The following CRACDL variants were observed in gnomAD, a reference collection of about 807,000 sequenced individuals.
The protein encoded by CRACDL is CRACD like.
Under a neutral mutation model 70.6 loss-of-function variants are expected in CRACDL, and 26 were observed. The observed-to-expected ratio is 0.37, with a 90% CI of 0.27 to 0.51. CRACDL has a LOEUF of 0.51. Among genes scored for constraint, CRACDL ranks in the 20% least tolerant of loss-of-function variants. CRACDL has a pLI of 0.94. For synonymous variants in CRACDL, 618 were observed against 615.2 expected, an observed-to-expected ratio of 1.00 and a Z score of -0.07; for missense variants, 1,283 against 1,376.9, an observed-to-expected ratio of 0.93 and a Z score of 1.08.
intron 1 of CRACDL, among the ~76,000 whole-genome samples, chr2:98,875,091 T>G (rs185258947): frequency 6.6e-6 from 1 of 152,158 alleles, no homozygotes; most frequent in Non-Finnish European, 1.5e-5. Flanking sequence ...TCAAACCACA[T>G]TCGCAGGAAT....
At chr2:98,865,798 C>CTTTTT (rs1157009185) in intron 1 of CRACDL, among the ~76,000 whole-genome samples, 2 of 134,440 alleles carry the variant, frequency 1.5e-5, no homozygotes, top group Non-Finnish European at 1.6e-5. Context: ...GGACTTTCTG[C>CTTTTT]TTTTTTTTTT....
At chr2:98,802,377 C>G (rs1704116990) in intron 7 of CRACDL, among the ~76,000 whole-genome samples, 1 of 152,244 alleles carries the variant, frequency 6.6e-6, no homozygotes, top group Non-Finnish European at 1.5e-5. Flanking sequence ...CCGTTTTCAT[C>G]TGCATTCCCA....
intron 1 of CRACDL, among the ~76,000 whole-genome samples, chr2:98,909,912 G>C (rs1327164971): frequency 6.6e-6 from 1 of 152,162 alleles, no homozygotes; most frequent in Non-Finnish European, 1.5e-5. Flanking sequence ...GCGGGGCTTG[G>C]GCCGCTTTCA....
At chr2:98,870,041 C>G (rs1386814697) in intron 1 of CRACDL, among the ~76,000 whole-genome samples, 1 of 152,156 alleles carries the variant, frequency 6.6e-6, no homozygotes, top group East Asian at 1.9e-4. Context: ...AGCCACTTGC[C>G]CTGGTGGCTC....
chr2:98,822,430 C>A lies in CRACDL; in HGVS notation c.1843G>T (p.Asp615Tyr). Reference sequence around the variant, plus strand: ...TGGGGCTCGGGGAGACCCTGGAGGTCGTCAAGAGCCGCCTCGCTCCTCCAG... The same window carrying A: ...TGGGGCTCGGGGAGACCCTGGAGGTAGTCAAGAGCCGCCTCGCTCCTCCAG... Reference protein sequence around the residue: ...PVWRSEAALDDLQGLPEPQHA... With the variant: ...PVWRSEAALDYLQGLPEPQHA... Residue 615 changes from aspartate (D) to tyrosine (Y), a missense_variant, in exon 7 of 10, where the codon GAC (aspartate) becomes TAC (tyrosine). Transcript: ENST00000397899. The surrounding 1 kb of genome is among the most constrained non-coding windows in gnomAD (Gnocchi z 4.9). 6.7e-7 allele frequency: 1 copy of A among 1,483,398 alleles called. No homozygotes were observed. The highest frequency in any genetic ancestry group is 8.9e-7 in the Non-Finnish European group (1 of 1,125,218). The allele number at this position is 1,483,398 out of a possible 1,614,324, so 91.9% of individuals were successfully genotyped here.
chr2:98,890,866 C>T (rs558721807), intron 1 of CRACDL, among the ~76,000 whole-genome samples: 8 of 150,322 alleles, frequency 5.3e-5, no homozygotes, highest in African/African-American at 7.4e-5. Flanking sequence ...AGACCAGCCT[C>T]GTCAACACGG....
intron 1 of CRACDL, among the ~76,000 whole-genome samples, chr2:98,903,994 C>T (rs973697954): frequency 1.6e-4 from 25 of 152,150 alleles, no homozygotes; most frequent in Admixed American, 3.9e-4. Flanking sequence ...AAGACATCTG[C>T]AAAACAGAGG....
chr2:98,873,201 A>G (rs1323901161), intron 1 of CRACDL, among the ~76,000 whole-genome samples: 1 of 152,190 alleles, frequency 6.6e-6, no homozygotes, highest in Non-Finnish European at 1.5e-5. Context: ...TACCTTCTCC[A>G]CTGCTGGGAA....
chr2:98,801,297 A>G (rs72827740), intron 7 of CRACDL, among the ~76,000 whole-genome samples: 8,434 of 152,284 alleles, frequency 0.055, 267 homozygotes, highest in East Asian at 0.11. Context: ...CAGGAAAAAG[A>G]GAGAGAACCC....
At chr2:98,915,391 G>A (rs1708641041) in intron 1 of CRACDL, among the ~76,000 whole-genome samples, 1 of 152,226 alleles carries the variant, frequency 6.6e-6, no homozygotes, top group Non-Finnish European at 1.5e-5. Context: ...AACCCTCAGA[G>A]ATGAGTGGGG....
chr2:98,925,117 G>T (rs977669051), intron 1 of CRACDL, among the ~76,000 whole-genome samples: 4 of 152,170 alleles, frequency 2.6e-5, no homozygotes, highest in African/African-American at 7.2e-5. Flanking sequence ...CTGGGGAGAG[G>T]CAAGAGGGAA....
At chr2:98,898,594 C>A (rs1708187591) in intron 1 of CRACDL, among the ~76,000 whole-genome samples, 1 of 152,224 alleles carries the variant, frequency 6.6e-6, no homozygotes, top group Non-Finnish European at 1.5e-5. Flanking sequence ...CTTGGCCTGC[C>A]CTCGTCTGCC....
intron 2 of CRACDL, among the ~76,000 whole-genome samples, chr2:98,845,485 G>A (rs1254601344): frequency 3.9e-5 from 6 of 152,134 alleles, no homozygotes; most frequent in Non-Finnish European, 7.4e-5. Context: ...GGAAGCCGCT[G>A]TGCCTGGCCC....
At position 98,878,136 on chromosome 2, in the gene CRACDL, G is replaced by A. The variant is rs567271912; in HGVS notation, c.-10-31326C>T. 3.9e-5 allele frequency among the ~76,000 whole-genome samples: 6 copies of A among 152,106 alleles called. No individual in the cohort carries two copies. The South Asian group carries it at 1.0e-3, about 26-fold the overall frequency. Reference sequence around the variant, plus strand: ...TAATATTTGTATTTTTAGTAGAGATGGGGTTTCACCATGTTGGCCAGGATG... The same window carrying A: ...TAATATTTGTATTTTTAGTAGAGATAGGGTTTCACCATGTTGGCCAGGATG... On this transcript the variant is annotated intron_variant, in intron 1 of 9. Coordinates refer to ENST00000397899, the MANE Select transcript of CRACDL (RefSeq NM_207362.3).
intron 1 of CRACDL, among the ~76,000 whole-genome samples, chr2:98,905,678 G>C (rs539801611): frequency 2.0e-5 from 3 of 149,428 alleles, no homozygotes; most frequent in African/African-American, 7.4e-5. Context: ...ACCCAGGCTA[G>C]AGTGCAGTGG....
chr2:98,921,195 T>G (rs1487432228), intron 1 of CRACDL, among the ~76,000 whole-genome samples: 1 of 152,158 alleles, frequency 6.6e-6, no homozygotes, highest in African/African-American at 2.4e-5. Flanking sequence ...AAAGGCTAAG[T>G]TCTCAGCCCC....
intron 1 of CRACDL, among the ~76,000 whole-genome samples, chr2:98,869,728 G>A (rs1707277155): frequency 6.6e-6 from 1 of 152,182 alleles, no homozygotes; most frequent in Non-Finnish European, 1.5e-5. Context: ...CAGTGCGAGG[G>A]ACCCTGTGGG....
chr2:98,912,788 TG>T (rs1375556935), intron 1 of CRACDL: 1 of 152,466 alleles, frequency 6.6e-6, no homozygotes, highest in Non-Finnish European at 1.5e-5. Flanking sequence ...GGAAGGCTGC[TG>T]CCAGGCACCC....
intron 3 of CRACDL, 78 bp from the exon 4 acceptor site, chr2:98,833,075 G>A (rs1238198267): frequency 7.6e-7 from 1 of 1,318,224 alleles, no homozygotes; most frequent in Non-Finnish European, 1.0e-6. Flanking sequence ...TGAGAAAGAG[G>A]GATGTGAGTG....
Sources: allele counts gnomAD v4.1 joint callset (sites outside exome capture counted in the v4.1 genomes callset), GRCh38; gene constraint gnomAD v4.1.1; non-coding constraint Gnocchi (gnomAD v3.1); transcripts MANE v1.5; gene names NCBI Gene and HGNC (gene_info 2026-07-23, HGNC 2026-07-21).